The following ATAD2B variants were observed in gnomAD, a reference collection of about 807,000 sequenced individuals.
The protein encoded by ATAD2B is ATPase family AAA domain containing 2B, also known as ATPase family AAA domain-containing protein 2B.
Under a neutral mutation model 167.6 loss-of-function variants are expected in ATAD2B, and 40 were observed. The observed-to-expected ratio is 0.24, with a 90% CI of 0.19 to 0.31. The LOEUF (loss-of-function observed/expected upper bound fraction) is 0.31. Among genes scored for constraint, ATAD2B ranks in the 10% least tolerant of loss-of-function variants. ATAD2B has a pLI of 1.00. For synonymous variants in ATAD2B, 579 were observed against 596.5 expected (o/e 0.97, Z 0.43); for missense variants, 1,242 against 1,757.2 (o/e 0.71, Z 5.24).
intron 12 of ATAD2B, among the ~76,000 whole-genome samples, chr2:23,859,262 A>G (rs1167957565): frequency 6.6e-6 from 1 of 152,082 alleles, no homozygotes; most frequent in Non-Finnish European, 1.5e-5. Flanking sequence ...CAAGATCACT[A>G]GTCTTTTGCT....
At chr2:23,848,266 G>A (rs906071538) in intron 13 of ATAD2B, among the ~76,000 whole-genome samples, 4 of 152,096 alleles carry the variant, frequency 2.6e-5, no homozygotes, top group African/African-American at 9.7e-5. Flanking sequence ...ACTTTGGTAG[G>A]CCAAGGCAGG....
At chr2:23,905,700 T>C (rs1484341556) in intron 1 of ATAD2B, among the ~76,000 whole-genome samples, 1 of 152,204 alleles carries the variant, frequency 6.6e-6, no homozygotes, top group African/African-American at 2.4e-5. Flanking sequence ...TCACAGTAGA[T>C]ACAATCTCAA....
At chr2:23,691,420 T>C in the ATAD2B span, 18 of 557,426 alleles carry the variant, frequency 3.2e-5, no homozygotes, top group Non-Finnish European at 4.8e-5. Flanking sequence ...TCATGCTTTT[T>C]GATTTGCATC....
intron 18 of ATAD2B, among the ~76,000 whole-genome samples, chr2:23,809,419 A>AT (rs1205248447): frequency 2.0e-5 from 3 of 152,144 alleles, no homozygotes; most frequent in African/African-American, 7.2e-5. Context: ...TAAAAAATGC[A>AT]TATTTCTTGC....
downstream of ATAD2B, among the ~76,000 whole-genome samples, chr2:23,745,216 G>A (rs1674766804): frequency 6.6e-6 from 1 of 152,086 alleles, no homozygotes; most frequent in South Asian, 2.1e-4. Context: ...GAACCTGAGA[G>A]GCAGAGGCGG....
At chr2:23,760,992 G>A (rs1464362717) in intron 24 of ATAD2B, among the ~76,000 whole-genome samples, 1 of 152,114 alleles carries the variant, frequency 6.6e-6, no homozygotes, top group Non-Finnish European at 1.5e-5. Context: ...ACTCATATTT[G>A]TAGATTCAAA....
chr2:23,773,669 T>C (rs1443016600), intron 22 of ATAD2B, among the ~76,000 whole-genome samples: 1 of 152,252 alleles, frequency 6.6e-6, no homozygotes, highest in Admixed American at 6.5e-5. Context: ...GTTTTCACTC[T>C]GTCTCATACT....
At chr2:23,716,119 C>G in the ATAD2B span, among the ~76,000 whole-genome samples, 1 of 152,198 alleles carries the variant, frequency 6.6e-6, no homozygotes, top group Non-Finnish European at 1.5e-5. Flanking sequence ...GTAAGAGTAA[C>G]CATACACAAT....
chr2:23,896,339 A>T (rs947203154), intron 1 of ATAD2B, among the ~76,000 whole-genome samples: 4 of 151,736 alleles, frequency 2.6e-5, no homozygotes, highest in South Asian at 2.1e-4. Flanking sequence ...AAAAAAAAAG[A>T]ATTATTAATA....
At chr2:23,911,627 G>A (rs1052362994) in intron 1 of ATAD2B, among the ~76,000 whole-genome samples, 8 of 152,070 alleles carry the variant, frequency 5.3e-5, no homozygotes, top group African/African-American at 1.9e-4. Flanking sequence ...AGGGGGCGAA[G>A]CGAAGCTAAT....
At chr2:23,804,641 C>A (rs955644256) in intron 18 of ATAD2B, among the ~76,000 whole-genome samples, 2 of 146,272 alleles carry the variant, frequency 1.4e-5, no homozygotes, top group African/African-American at 5.1e-5. Context: ...GTTGGCCAAG[C>A]AGGATTCAGA....
At chr2:23,820,373 T>C (rs1193355097) in intron 16 of ATAD2B, among the ~76,000 whole-genome samples, 1 of 152,118 alleles carries the variant, frequency 6.6e-6, no homozygotes, top group Non-Finnish European at 1.5e-5. Flanking sequence ...GAGTCAGAAA[T>C]TCCGTCAAAG....
intron 1 of ATAD2B, among the ~76,000 whole-genome samples, chr2:23,918,137 AG>A (rs1558801746): frequency 6.7e-6 from 1 of 149,276 alleles, no homozygotes. Context: ...AAGCCAAGGC[AG>A]GAAGATTTCT....
chr2:23,714,085 TTCTTC>T, the ATAD2B span, among the ~76,000 whole-genome samples: 1 of 152,174 alleles, frequency 6.6e-6, no homozygotes, highest in South Asian at 2.1e-4. Context: ...GGTCCAAGTT[TTCTTC>T]TCTTCTAAAT....
chr2:23,803,589 T>G (rs1683863627), intron 18 of ATAD2B, among the ~76,000 whole-genome samples: 1 of 152,138 alleles, frequency 6.6e-6, no homozygotes, highest in Non-Finnish European at 1.5e-5. Flanking sequence ...TAAGAAACAA[T>G]AAGAAAAACA....
At chr2:23,915,488 T>C (rs777752232) in intron 1 of ATAD2B, among the ~76,000 whole-genome samples, 1 of 151,450 alleles carries the variant, frequency 6.6e-6, no homozygotes, top group Non-Finnish European at 1.5e-5. Flanking sequence ...AAAAGCGTAT[T>C]GCTATATTGT....
At chr2:23,865,327 G>A (rs1160697379) in intron 10 of ATAD2B, among the ~76,000 whole-genome samples, 1 of 152,012 alleles carries the variant, frequency 6.6e-6, no homozygotes, top group Non-Finnish European at 1.5e-5. Flanking sequence ...TCAGGAGTTC[G>A]AGACCAGCCT....
At chr2:23,737,342 G>C in the ATAD2B span, among the ~76,000 whole-genome samples, 1 of 152,134 alleles carries the variant, frequency 6.6e-6, no homozygotes, top group African/African-American at 2.4e-5. Flanking sequence ...ACTCCTCTGA[G>C]ACAAAACTTC....
chr2:23,876,139 G>A (rs1263164429), intron 7 of ATAD2B, among the ~76,000 whole-genome samples: 2 of 151,460 alleles, frequency 1.3e-5, no homozygotes, highest in Non-Finnish European at 2.9e-5. Flanking sequence ...GACTACATGC[G>A]GGTGCCACCA....
Sources: gnomAD v4.1 joint callset for allele counts (sites outside exome capture counted in the v4.1 genomes callset) on GRCh38, gnomAD v4.1.1 for gene constraint, MANE v1.5 for transcripts, NCBI Gene and HGNC (gene_info 2026-07-23, HGNC 2026-07-21) for gene names.